Variants in PPM1L observed in about 807,000 individuals in gnomAD.
PPM1L encodes protein phosphatase, Mg2+/Mn2+ dependent 1L.
In PPM1L, 13 loss-of-function variants were observed where a neutral mutation model predicts 31.4. The ratio of observed to expected loss-of-function variants is 0.41; its 90% CI spans 0.27 to 0.66. The LOEUF (loss-of-function observed/expected upper bound fraction) is 0.66. Ranked by LOEUF, PPM1L falls within the 30% of genes least tolerant of loss-of-function variation. The pLI is 0.29. For missense variants in PPM1L, 326 were observed against 453.7 expected, an observed-to-expected ratio of 0.72 and a Z score of 2.56; for synonymous variants, 184 against 175.4, an observed-to-expected ratio of 1.05 and a Z score of -0.39.
At chr3:160,759,687 T>C (rs575107849) in intron 1 of PPM1L, among the ~76,000 whole-genome samples, 92 of 152,194 alleles carry the variant, frequency 6.0e-4, no homozygotes, top group Non-Finnish European at 1.2e-3. Context: ...AGTGTTACGG[T>C]GACACAGAGG....
intron 2 of PPM1L, among the ~76,000 whole-genome samples, chr3:160,985,041 T>G: frequency 6.6e-6 from 1 of 152,174 alleles, no homozygotes; most frequent in Admixed American, 6.5e-5. Context: ...AAGGTTGTCT[T>G]TAGAACAATA....
chr3:161,045,847 C>T (rs999889632), intron 2 of PPM1L, among the ~76,000 whole-genome samples: 1 of 151,510 alleles, frequency 6.6e-6, no homozygotes. Flanking sequence ...CGTGGTGGCT[C>T]ATGCCTGTAA....
At chr3:160,943,760 A>G (rs1291046550) in intron 1 of PPM1L, among the ~76,000 whole-genome samples, 1 of 152,160 alleles carries the variant, frequency 6.6e-6, no homozygotes, top group African/African-American at 2.4e-5. Flanking sequence ...AATCTTCACT[A>G]TTTAATTGCC....
At chr3:160,896,722 G>C (rs1157802646) in intron 1 of PPM1L, among the ~76,000 whole-genome samples, 1 of 152,142 alleles carries the variant, frequency 6.6e-6, no homozygotes, top group Non-Finnish European at 1.5e-5. Flanking sequence ...TATTGGCTGG[G>C]AGACTTGGGC....
intron 1 of PPM1L, among the ~76,000 whole-genome samples, chr3:160,845,305 A>C (rs1714042547): frequency 6.6e-6 from 1 of 152,092 alleles, no homozygotes; most frequent in Non-Finnish European, 1.5e-5. Flanking sequence ...TGGTTGGTAG[A>C]AATGCCTATT....
chr3:160,980,328 T>C (rs1207095730), intron 2 of PPM1L, among the ~76,000 whole-genome samples: 2 of 152,006 alleles, frequency 1.3e-5, no homozygotes, highest in African/African-American at 2.4e-5. Flanking sequence ...AAGAGCCCAA[T>C]TGGCTTCATG....
At chr3:160,860,905 T>G (rs537486754) in intron 1 of PPM1L, among the ~76,000 whole-genome samples, 34 of 152,176 alleles carry the variant, frequency 2.2e-4, no homozygotes, top group Non-Finnish European at 4.4e-4. Flanking sequence ...CATCATGACC[T>G]AAATACCTCT....
chr3:160,955,011 TTCTC>T (rs1353564676), intron 1 of PPM1L, among the ~76,000 whole-genome samples: 1 of 149,252 alleles, frequency 6.7e-6, no homozygotes, highest in Non-Finnish European at 1.5e-5. Flanking sequence ...CTCTCTTTCT[TTCTC>T]TCTTTCTTCT....
At chr3:160,893,427 C>T (rs1046581675) in intron 1 of PPM1L, among the ~76,000 whole-genome samples, 2 of 152,138 alleles carry the variant, frequency 1.3e-5, no homozygotes, top group Non-Finnish European at 2.9e-5. Flanking sequence ...TAACAATATC[C>T]CTGGGACATA....
intron 1 of PPM1L, among the ~76,000 whole-genome samples, chr3:160,856,574 CAT>C (rs1711712568): frequency 6.6e-6 from 1 of 152,148 alleles, no homozygotes; most frequent in African/African-American, 2.4e-5. Flanking sequence ...CCAAATACCA[CAT>C]GTTCTCACTT....
intron 1 of PPM1L, among the ~76,000 whole-genome samples, chr3:160,949,994 A>G (rs1486940187): frequency 6.6e-6 from 1 of 152,220 alleles, no homozygotes; most frequent in East Asian, 1.9e-4. Flanking sequence ...GTTAGCCTCA[A>G]ATAAGCTTTG....
At position 160,949,981 on chromosome 3, in the gene PPM1L, T is replaced by C. The variant is rs147369584; in HGVS notation, c.400-11755T>C. Among the ~76,000 whole-genome samples, 333 of 152,264 alleles carry C rather than the reference T, an allele frequency of 2.2e-3. 2 individuals are homozygous for C. The highest frequency in any genetic ancestry group is 7.6e-3 in the African/African-American group (314 of 41,552). On this transcript the variant is annotated intron_variant, in intron 1 of 3. Coordinates refer to ENST00000498165, the MANE Select transcript of PPM1L (RefSeq NM_139245.4). ...ATACAACAAATTAAGTTTGCTTCGT[T>C]AGGTTAGCCTCAAATAAGCTTTGAT... is the stretch of plus-strand genomic sequence containing the variant.
chr3:160,778,309 C>A (rs184529983), intron 1 of PPM1L, among the ~76,000 whole-genome samples: 6 of 152,080 alleles, frequency 3.9e-5, no homozygotes, highest in Admixed American at 3.3e-4. Context: ...TTTGCTAATA[C>A]TTTCTCCTAT....
intron 2 of PPM1L, among the ~76,000 whole-genome samples, chr3:161,035,551 T>C (rs761918030): frequency 6.6e-6 from 1 of 152,158 alleles, no homozygotes; most frequent in Admixed American, 6.5e-5. Flanking sequence ...CCTGAAAGAA[T>C]GACTAAAAAG....
intron 1 of PPM1L, among the ~76,000 whole-genome samples, chr3:160,856,939 G>A (rs1711729385): frequency 6.6e-6 from 1 of 152,016 alleles, no homozygotes; most frequent in South Asian, 2.1e-4. Context: ...TTGTTTAATA[G>A]TATTTTAGTC....
At chr3:161,028,837 A>C (rs1718479374) in intron 2 of PPM1L, among the ~76,000 whole-genome samples, 1 of 152,170 alleles carries the variant, frequency 6.6e-6, no homozygotes, top group African/African-American at 2.4e-5. Flanking sequence ...GTGCCCTCTA[A>C]AATTGTAATT....
chr3:160,894,812 C>T (rs766679212), intron 1 of PPM1L, among the ~76,000 whole-genome samples: 3 of 152,188 alleles, frequency 2.0e-5, no homozygotes, highest in Non-Finnish European at 4.4e-5. Flanking sequence ...CTGCCTTCAG[C>T]ATAATTTCCC....
At chr3:160,986,128 A>G (rs1327889979) in intron 2 of PPM1L, among the ~76,000 whole-genome samples, 2 of 152,240 alleles carry the variant, frequency 1.3e-5, no homozygotes, top group Non-Finnish European at 2.9e-5. Flanking sequence ...TCAACGTCTC[A>G]GTGAGAGTTC....
At chr3:160,921,570 ATATG>A (rs1426929040) in intron 1 of PPM1L, among the ~76,000 whole-genome samples, 1 of 152,162 alleles carries the variant, frequency 6.6e-6, no homozygotes. Flanking sequence ...TACATTTAAT[ATATG>A]TATTTCTTTT....
Sources: allele counts gnomAD v4.1 joint callset (sites outside exome capture counted in the v4.1 genomes callset), GRCh38; gene constraint gnomAD v4.1.1; transcripts MANE v1.5; gene names NCBI Gene and HGNC (gene_info 2026-07-23, HGNC 2026-07-21).